NAALADL2: variants seen among roughly 807,000 people sequenced by gnomAD.
The protein encoded by NAALADL2 is N-acetylated alpha-linked acidic dipeptidase like 2.
In NAALADL2, 76 loss-of-function variants were observed where a neutral mutation model predicts 87.2. That is an observed-to-expected ratio of 0.87 (90% CI 0.72 to 1.05). The LOEUF (loss-of-function observed/expected upper bound fraction) is 1.05, where lower values mean the gene tolerates loss of function less well. Ranked by LOEUF, NAALADL2 falls within the 50% of genes least tolerant of loss-of-function variation. NAALADL2 has a pLI of 0.00. For synonymous variants in NAALADL2, 354 were observed against 331.0 expected, an observed-to-expected ratio of 1.07 and a Z score of -0.75; for missense variants, 1,089 against 945.8, an observed-to-expected ratio of 1.15 and a Z score of -1.99.
intron 2 of NAALADL2, among the ~76,000 whole-genome samples, chr3:175,107,535 A>AACAC (rs35188653): frequency 4.8e-5 from 7 of 146,152 alleles, no homozygotes; most frequent in African/African-American, 1.8e-4. Flanking sequence ...CACACACACA[A>AACAC]ACACACACAC....
At chr3:174,716,107 T>A (rs776325398) in intron 2 of NAALADL2, among the ~76,000 whole-genome samples, 6 of 152,196 alleles carry the variant, frequency 3.9e-5, no homozygotes, top group Non-Finnish European at 8.8e-5. Flanking sequence ...ACTCATTCAC[T>A]TTTTATCTCA....
chr3:174,765,581 T>C (rs1038426049), intron 3 of NAALADL2, among the ~76,000 whole-genome samples: 1 of 152,190 alleles, frequency 6.6e-6, no homozygotes, highest in African/African-American at 2.4e-5. Flanking sequence ...TATTTGTTTC[T>C]TTTCTAGGTT....
intron 5 of NAALADL2, among the ~76,000 whole-genome samples, chr3:175,431,442 A>T (rs1581855076): frequency 6.6e-6 from 1 of 152,104 alleles, no homozygotes; most frequent in African/African-American, 2.4e-5. Context: ...TGACTCATTT[A>T]TATTGTACCT....
At chr3:175,413,665 A>C (rs1157677000) in intron 5 of NAALADL2, among the ~76,000 whole-genome samples, 2 of 151,822 alleles carry the variant, frequency 1.3e-5, no homozygotes, top group Non-Finnish European at 2.9e-5. Flanking sequence ...AATTACCTTG[A>C]GACAAAGGCA....
intron 1 of NAALADL2, among the ~76,000 whole-genome samples, chr3:174,545,417 A>C (rs1358966386): frequency 1.3e-5 from 2 of 152,238 alleles, no homozygotes; most frequent in African/African-American, 4.8e-5. Flanking sequence ...TGCCTGGGAA[A>C]GTTTTTTGAC....
intron 2 of NAALADL2, among the ~76,000 whole-genome samples, chr3:174,622,270 C>T (rs903929006): frequency 2.6e-5 from 4 of 152,110 alleles, no homozygotes; most frequent in African/African-American, 9.7e-5. Flanking sequence ...CTCATGGTCT[C>T]TTGCTCTAAG....
At chr3:174,792,012 C>T (rs149074823) in intron 3 of NAALADL2, among the ~76,000 whole-genome samples, 141 of 152,132 alleles carry the variant, frequency 9.3e-4, no homozygotes, top group African/African-American at 3.2e-3. Flanking sequence ...AGTTCGAGAC[C>T]GGCCTGGCCA....
intron 1 of NAALADL2, among the ~76,000 whole-genome samples, chr3:175,016,955 A>G (rs1311313751): frequency 6.6e-6 from 1 of 152,050 alleles, no homozygotes; most frequent in Non-Finnish European, 1.5e-5. Context: ...TTTGAAATGT[A>G]CAATAGATTA....
Position 174,846,491 on chromosome 3 carries a change from A to T in NAALADL2, c.-9+108745A>T, listed in dbSNP as rs898189737. Among the ~76,000 whole-genome samples, 3 of 152,220 alleles carry T rather than the reference A, an allele frequency of 2.0e-5. 1 individual carries two copies. In the South Asian group the frequency reaches 6.2e-4, roughly 31 times the overall value. Reference sequence around the variant, plus strand: ...AATGTCAATTTTCTTAAAATTTTGTATGCCACATAATAAAAAAGTAATAAG... The same window carrying T: ...AATGTCAATTTTCTTAAAATTTTGTTTGCCACATAATAAAAAAGTAATAAG... On this transcript the variant is annotated intron_variant, in intron 3 of 3. Coordinates refer to the NAALADL2 transcript ENST00000434257.
chr3:174,705,289 T>C (rs1329025463), intron 2 of NAALADL2, among the ~76,000 whole-genome samples: 3 of 152,128 alleles, frequency 2.0e-5, no homozygotes, highest in Non-Finnish European at 4.4e-5. Flanking sequence ...AATGTACAAA[T>C]ACCATACAGA....
At chr3:175,092,263 T>C (rs761769965) in intron 1 of NAALADL2, among the ~76,000 whole-genome samples, 15 of 150,268 alleles carry the variant, frequency 1.0e-4, no homozygotes, top group Non-Finnish European at 2.2e-4. Context: ...AAGTATTAAG[T>C]GTCTGGCTTA....
At position 174,593,747 on chromosome 3, in the gene NAALADL2, A is replaced by G. The variant is rs78109747; in HGVS notation, c.-115+43110A>G. Reference sequence around the variant, plus strand: ...CATTCATGGACTTTTATGACCATGAACTAATTTTATCTCCTCACCTGACAC... The same window carrying G: ...CATTCATGGACTTTTATGACCATGAGCTAATTTTATCTCCTCACCTGACAC... On this transcript the variant is annotated intron_variant, in intron 2 of 3. Transcript: ENST00000434257. Among the ~76,000 whole-genome samples, 243 of 152,258 alleles carry G rather than the reference A, an allele frequency of 1.6e-3. 1 individual carries two copies. The highest frequency in any genetic ancestry group is 5.6e-3 in the African/African-American group (231 of 41,562).
chr3:175,738,465 G>A (rs1744814776), intron 12 of NAALADL2, among the ~76,000 whole-genome samples: 1 of 152,006 alleles, frequency 6.6e-6, no homozygotes. Flanking sequence ...CAGGCTGGTC[G>A]CAAATTACTG....
At chr3:175,046,311 C>T (rs1754663069) in intron 1 of NAALADL2, among the ~76,000 whole-genome samples, 1 of 152,074 alleles carries the variant, frequency 6.6e-6, no homozygotes, top group Non-Finnish European at 1.5e-5. Flanking sequence ...TGATGCAATG[C>T]TGTTGGTCTT....
At chr3:175,393,889 T>C (rs1553882749) in intron 5 of NAALADL2, among the ~76,000 whole-genome samples, 3 of 152,202 alleles carry the variant, frequency 2.0e-5, no homozygotes, top group Non-Finnish European at 4.4e-5. Flanking sequence ...TCCCCCTTTT[T>C]GGAGATGAAT....
chr3:175,686,794 T>TA (rs1178481001), intron 11 of NAALADL2, among the ~76,000 whole-genome samples: 14 of 152,184 alleles, frequency 9.2e-5, no homozygotes. Context: ...ATATATTGCT[T>TA]AAACATATCC....
chr3:174,594,870 C>T (rs1003141286), intron 2 of NAALADL2, among the ~76,000 whole-genome samples: 9 of 152,244 alleles, frequency 5.9e-5, no homozygotes, highest in South Asian at 2.1e-4. Context: ...AACAGCTATG[C>T]GTTGATGTAG....
chr3:175,727,381 A>G (rs1417307582), intron 11 of NAALADL2, among the ~76,000 whole-genome samples: 1 of 152,168 alleles, frequency 6.6e-6, no homozygotes, highest in Non-Finnish European at 1.5e-5. Context: ...ACAGGTCTTT[A>G]TGTTCACACG....
chr3:175,521,149 TGAAATATCTACAGAGAC>T (rs1732598068), intron 9 of NAALADL2, among the ~76,000 whole-genome samples: 1 of 151,814 alleles, frequency 6.6e-6, no homozygotes, highest in African/African-American at 2.4e-5. Flanking sequence ...TCTAGTATGA[TGAAATATCTACAGAGAC>T]TTTATTTGTC....
Sources: allele counts gnomAD v4.1 joint callset (sites outside exome capture counted in the v4.1 genomes callset), GRCh38; gene constraint gnomAD v4.1.1; transcripts MANE v1.5; gene names NCBI Gene and HGNC (gene_info 2026-07-23, HGNC 2026-07-21).